Variants in TAS2R1 observed in about 807,000 individuals in gnomAD.
The protein encoded by TAS2R1 is taste 2 receptor member 1.
For synonymous variants in TAS2R1, 141 were observed against 134.2 expected, an observed-to-expected ratio of 1.05 and a Z score of -0.35; for missense variants, 370 against 353.4, an observed-to-expected ratio of 1.05 and a Z score of -0.38.
chr5:9,885,755 G>C, the TAS2R1 span, among the ~76,000 whole-genome samples: 2 of 152,172 alleles, frequency 1.3e-5, no homozygotes, highest in Non-Finnish European at 2.9e-5. Context: ...TGGGTGTGGG[G>C]AGAATACATG....
In TAS2R1 at chr5:9,686,054, A is replaced by G. The variant is rs1287070843; in HGVS notation, c.-242+26118T>C. ...GTAATTTTATATTTTTAGTAGAGACAGGGTTTCGCCATGTTGACCAGGCTG... is the reference window on the plus strand; with the variant it reads ...GTAATTTTATATTTTTAGTAGAGACGGGGTTTCGCCATGTTGACCAGGCTG... On this transcript the variant is annotated intron_variant, in intron 1 of 2. Transcript: ENST00000506620. Among the ~76,000 whole-genome samples, 4 of 152,070 alleles carry G rather than the reference A, an allele frequency of 2.6e-5. No homozygotes were observed. In the East Asian group the frequency reaches 7.7e-4, roughly 29 times the overall value.
chr5:9,637,990 T>C (rs1739997117), intron 2 of TAS2R1, among the ~76,000 whole-genome samples: 1 of 152,212 alleles, frequency 6.6e-6, no homozygotes, highest in South Asian at 2.1e-4. Flanking sequence ...TTTTGGGGTA[T>C]TACAGAAACC....
the TAS2R1 span, among the ~76,000 whole-genome samples, chr5:9,744,086 C>G: frequency 6.6e-6 from 1 of 152,220 alleles, no homozygotes; most frequent in Non-Finnish European, 1.5e-5. Flanking sequence ...TGCCTATACT[C>G]TCCCTGACTG....
At chr5:9,877,408 T>A in the TAS2R1 span, among the ~76,000 whole-genome samples, 1 of 152,198 alleles carries the variant, frequency 6.6e-6, no homozygotes. Flanking sequence ...AGCAGCAAAT[T>A]TTAATATTGC....
the TAS2R1 span, among the ~76,000 whole-genome samples, chr5:9,863,298 C>T: frequency 2.1e-5 from 3 of 141,584 alleles, no homozygotes; most frequent in Admixed American, 7.2e-5. Flanking sequence ...GATGGAGTCT[C>T]GCTCTATCGC....
chr5:9,763,763 C>T, the TAS2R1 span, among the ~76,000 whole-genome samples: 1 of 152,120 alleles, frequency 6.6e-6, no homozygotes, highest in Non-Finnish European at 1.5e-5. Flanking sequence ...GAATTAGAGA[C>T]ATCAAAACCC....
rs188282570 is a variant in TAS2R1, at chr5:9,639,334, A to C, written c.-80-9342T>G. ...TACTTCTACTTTTATATTTGGCACA[A>C]CTCCCTAAAACCATTTTATCCCTAG... On this transcript the variant is annotated intron_variant, in intron 2 of 2. Transcript: ENST00000506620. 4.6e-5 allele frequency among the ~76,000 whole-genome samples: 7 copies of C among 151,198 alleles called. No individual in the cohort carries two copies. In the East Asian group the frequency reaches 1.4e-3, roughly 29 times the overall value.
the TAS2R1 span, among the ~76,000 whole-genome samples, chr5:9,892,442 G>A: frequency 4.6e-5 from 7 of 152,276 alleles, no homozygotes; most frequent in Non-Finnish European, 7.3e-5. Context: ...TTTAAGGCCA[G>A]TGATTATTAG....
the TAS2R1 span, among the ~76,000 whole-genome samples, chr5:9,755,587 CA>C: frequency 0.062 from 5,920 of 94,720 alleles, 260 homozygotes; most frequent in East Asian, 0.26. Flanking sequence ...ACTCCATCTC[CA>C]AAAAAAAAAA....
chr5:9,732,664 T>C, the TAS2R1 span, among the ~76,000 whole-genome samples: 2 of 152,010 alleles, frequency 1.3e-5, no homozygotes, highest in African/African-American at 4.8e-5. Context: ...AACAAGCAAA[T>C]ATGTAGAGAT....
chr5:9,855,797 G>C, the TAS2R1 span, among the ~76,000 whole-genome samples: 1 of 152,196 alleles, frequency 6.6e-6, no homozygotes, highest in African/African-American at 2.4e-5. Context: ...AAAATCATAA[G>C]TATTTACCAC....
chr5:9,837,467 A>T, the TAS2R1 span, among the ~76,000 whole-genome samples: 3 of 152,352 alleles, frequency 2.0e-5, no homozygotes, highest in Admixed American at 2.0e-4. Flanking sequence ...CCTTGGAAGT[A>T]AATAGGCGGG....
At chr5:9,742,427 C>T in the TAS2R1 span, among the ~76,000 whole-genome samples, 42 of 152,292 alleles carry the variant, frequency 2.8e-4, no homozygotes, top group Non-Finnish European at 5.3e-4. Flanking sequence ...GAGATTTGTA[C>T]ATGCTAATCT....
At chr5:9,725,646 C>A in the TAS2R1 span, among the ~76,000 whole-genome samples, 7,570 of 152,230 alleles carry the variant, frequency 0.05, 188 homozygotes, top group Non-Finnish European at 0.064. Context: ...CCCAGCCTCC[C>A]CGACGAGCAC....
chr5:9,631,972 G>A (rs1029209700), upstream of TAS2R1, among the ~76,000 whole-genome samples: 4 of 152,194 alleles, frequency 2.6e-5, no homozygotes, highest in Admixed American at 6.5e-5. Flanking sequence ...ATGCAAGCAT[G>A]CCAGGAGGAT....
the TAS2R1 span, among the ~76,000 whole-genome samples, chr5:9,725,535 A>G: frequency 6.6e-6 from 1 of 152,192 alleles, no homozygotes; most frequent in Non-Finnish European, 1.5e-5. Context: ...ATTTCTCGCC[A>G]GGCCTTAGCT....
chr5:9,713,556 G>T (rs1008129341), upstream of TAS2R1, among the ~76,000 whole-genome samples: 3 of 152,180 alleles, frequency 2.0e-5, no homozygotes, highest in Non-Finnish European at 4.4e-5. Flanking sequence ...ATGTGATGAG[G>T]AGAAGTGGGA....
intron 2 of TAS2R1, among the ~76,000 whole-genome samples, chr5:9,651,367 TG>T (rs1289527731): frequency 1.2e-4 from 19 of 152,184 alleles, no homozygotes; most frequent in African/African-American, 4.6e-4. Context: ...GTTGCGGGCT[TG>T]GGTTGGAGAG....
At chr5:9,670,045 A>C (rs189451805) in intron 1 of TAS2R1, among the ~76,000 whole-genome samples, 1 of 152,206 alleles carries the variant, frequency 6.6e-6, no homozygotes, top group Admixed American at 6.5e-5. Flanking sequence ...AAAAATAAAC[A>C]CAATGAGAAA....
Sources: allele counts gnomAD v4.1 joint callset (sites outside exome capture counted in the v4.1 genomes callset), GRCh38; gene constraint gnomAD v4.1.1; transcripts MANE v1.5; gene names NCBI Gene and HGNC (gene_info 2026-07-23, HGNC 2026-07-21).